RBFOX3: variants seen among roughly 807,000 people sequenced by gnomAD.
RBFOX3 encodes RNA binding fox-1 homolog 3.
In RBFOX3, 17 loss-of-function variants were observed where a neutral mutation model predicts 48.7. The observed-to-expected ratio is 0.35, with a 90% CI of 0.24 to 0.52. The LOEUF (loss-of-function observed/expected upper bound fraction) is 0.52, where lower values mean the gene tolerates loss of function less well. RBFOX3 is among the 20% of genes least tolerant of loss of function. The probability of loss-of-function intolerance (pLI) is 0.94; values close to 1 mark genes in which losing one functional copy is unlikely to be tolerated. For synonymous variants in RBFOX3, 212 were observed against 209.5 expected, an observed-to-expected ratio of 1.01 and a Z score of -0.10; for missense variants, 382 against 497.5, an observed-to-expected ratio of 0.77 and a Z score of 2.21.
chr17:79,425,935 G>A (rs1241313730), intron 2 of RBFOX3, among the ~76,000 whole-genome samples: 7 of 152,304 alleles, frequency 4.6e-5, no homozygotes, highest in Admixed American at 1.3e-4. Context: ...AAGGTGGTGC[G>A]AGGCGAGGGC....
intron 2 of RBFOX3, among the ~76,000 whole-genome samples, chr17:79,452,867 G>A (rs1416408711): frequency 6.6e-6 from 1 of 152,232 alleles, no homozygotes; most frequent in African/African-American, 2.4e-5. Context: ...CAGGCTCAGG[G>A]CCTTTGGACC....
At chr17:79,526,171 G>A (rs1414101403) in intron 1 of RBFOX3, among the ~76,000 whole-genome samples, 2 of 152,234 alleles carry the variant, frequency 1.3e-5, no homozygotes, top group African/African-American at 4.8e-5. Context: ...GAGCTAGCAA[G>A]TTGTGTGGCC....
At chr17:79,354,890 A>G (rs1000968955) in intron 2 of RBFOX3, among the ~76,000 whole-genome samples, 3 of 152,382 alleles carry the variant, frequency 2.0e-5, no homozygotes, top group African/African-American at 7.2e-5. Flanking sequence ...ATCCTTCTAA[A>G]GTAAAATTAA....
At chr17:79,539,241 A>G (rs1168009593) in intron 1 of RBFOX3, among the ~76,000 whole-genome samples, 5 of 152,046 alleles carry the variant, frequency 3.3e-5, no homozygotes, top group African/African-American at 9.7e-5. Context: ...AGTCCCAGCT[A>G]CTTGGGAGGC....
intron 2 of RBFOX3, among the ~76,000 whole-genome samples, chr17:79,436,314 G>A (rs2069436148): frequency 6.6e-6 from 1 of 152,226 alleles, no homozygotes; most frequent in Non-Finnish European, 1.5e-5. Flanking sequence ...AGGTCATTCC[G>A]AAACACACAT....
At chr17:79,092,259 G>A in intron 14 of RBFOX3, 1 of 985,528 alleles carries the variant, frequency 1.0e-6, no homozygotes, top group Non-Finnish European at 1.2e-6. Flanking sequence ...GTTGGGGGCT[G>A]CCTGGTCTCC....
intron 1 of RBFOX3, among the ~76,000 whole-genome samples, chr17:79,525,264 C>T (rs2086648749): frequency 6.6e-6 from 1 of 152,152 alleles, no homozygotes; most frequent in Non-Finnish European, 1.5e-5. Context: ...AAGATGTCTC[C>T]AGACATTGCC....
chr17:79,106,536 T>TGG, intron 6 of RBFOX3, 115 bp downstream of exon 6: 1 of 1,297,060 alleles, frequency 7.7e-7, no homozygotes, highest in Non-Finnish European at 1.0e-6. Context: ...CCCTGCGCAG[T>TGG]GGGAGGCAGG....
At position 79,108,403 on chromosome 17, in the gene RBFOX3, G is replaced by A. The variant is rs62063837; in HGVS notation, c.223-1615C>T. 4.4e-3 allele frequency among the ~76,000 whole-genome samples: 665 copies of A among 152,358 alleles called. 4 individuals are homozygous for A. The highest frequency in any genetic ancestry group is 5.3e-3 in the Non-Finnish European group (362 of 68,036). The stretch of plus-strand genomic sequence containing the variant: ...AGAGGCTCCAGAGAGCCATTCCCAC[G>A]CATCTCCAGCTAGGCGAAGCACCTG... On this transcript the variant is annotated intron_variant, in intron 5 of 14. Coordinates refer to ENST00000693108, the MANE Select transcript of RBFOX3 (RefSeq NM_001350451.2).
At chr17:79,420,123 T>TCACA (rs1491201396) in intron 2 of RBFOX3, among the ~76,000 whole-genome samples, 16 of 62,050 alleles carry the variant, frequency 2.6e-4, no homozygotes, top group African/African-American at 3.6e-4. Context: ...CAAGACTCCG[T>TCACA]CTCATACACA....
intron 3 of RBFOX3, among the ~76,000 whole-genome samples, chr17:79,306,685 G>A (rs776441777): frequency 1.8e-4 from 27 of 152,224 alleles, no homozygotes; most frequent in Non-Finnish European, 3.4e-4. Context: ...GGTGCCAGAA[G>A]GTCCAGGGTG....
chr17:79,273,570 G>GA (rs1567957040), intron 3 of RBFOX3, among the ~76,000 whole-genome samples: 3 of 149,784 alleles, frequency 2.0e-5, no homozygotes, highest in Non-Finnish European at 4.4e-5. Context: ...CAGTGCTCTG[G>GA]GGGGGGCGGG....
the RBFOX3 span, among the ~76,000 whole-genome samples, chr17:79,651,859 C>T: frequency 2.5e-5 from 3 of 119,672 alleles, no homozygotes; most frequent in African/African-American, 9.5e-5. Context: ...TTCCCCCCCT[C>T]CACCACCCCC....
chr17:79,245,795 T>C (rs1163881717), intron 3 of RBFOX3, among the ~76,000 whole-genome samples: 1 of 151,996 alleles, frequency 6.6e-6, no homozygotes, highest in Non-Finnish European at 1.5e-5. Context: ...GACTGGCTAA[T>C]TTTTGTATTT....
chr17:79,153,378 C>G, intron 4 of RBFOX3, among the ~76,000 whole-genome samples: 1 of 152,222 alleles, frequency 6.6e-6, no homozygotes, highest in East Asian at 1.9e-4. Context: ...TTTCCAAATT[C>G]CCTCTACTAG....
intron 2 of RBFOX3, among the ~76,000 whole-genome samples, chr17:79,462,788 T>G (rs2075549200): frequency 6.6e-6 from 1 of 152,190 alleles, no homozygotes; most frequent in Non-Finnish European, 1.5e-5. Flanking sequence ...CACACACGTC[T>G]ATCTTTCCAA....
At chr17:79,264,619 C>T (rs2066366350) in intron 3 of RBFOX3, among the ~76,000 whole-genome samples, 1 of 152,180 alleles carries the variant, frequency 6.6e-6, no homozygotes, top group South Asian at 2.1e-4. Context: ...GGAGACTCAT[C>T]CACGTGCTCT....
intron 4 of RBFOX3, among the ~76,000 whole-genome samples, chr17:79,123,790 GCCC>G (rs1418947599): frequency 2.0e-5 from 3 of 152,206 alleles, no homozygotes; most frequent in African/African-American, 7.2e-5. Context: ...AGTTTGGCCA[GCCC>G]CCGCCTTCAG....
chr17:79,408,703 A>C (rs74457726), intron 2 of RBFOX3, among the ~76,000 whole-genome samples: 13,470 of 152,258 alleles, frequency 0.088, 734 homozygotes, highest in South Asian at 0.13. Flanking sequence ...GTTAATGCCA[A>C]ATTGCATCTG....
Sources: gnomAD v4.1 joint callset for allele counts (sites outside exome capture counted in the v4.1 genomes callset) on GRCh38, gnomAD v4.1.1 for gene constraint, MANE v1.5 for transcripts, NCBI Gene and HGNC (gene_info 2026-07-23, HGNC 2026-07-21) for gene names.